FOCAD: variants seen among roughly 807,000 people sequenced by gnomAD.
FOCAD encodes the protein KIAA1797.
In FOCAD, 198 loss-of-function variants were observed where a neutral mutation model predicts 225.6. The observed-to-expected ratio is 0.88, with a 90% CI of 0.78 to 0.99. The LOEUF (loss-of-function observed/expected upper bound fraction) is 0.99. FOCAD is among the 50% of genes least tolerant of loss of function. The probability of loss-of-function intolerance (pLI) is 0.00; values close to 1 mark genes in which losing one functional copy is unlikely to be tolerated. For synonymous variants in FOCAD, 897 were observed against 755.0 expected (o/e 1.19, Z -3.08); for missense variants, 2,713 against 2,123.6 (o/e 1.28, Z -5.46).
At chr9:20,818,374 G>A (rs949109055) in intron 11 of FOCAD, among the ~76,000 whole-genome samples, 1 of 151,816 alleles carries the variant, frequency 6.6e-6, no homozygotes, top group Non-Finnish European at 1.5e-5. Context: ...GCATTTTTAC[G>A]TTGATGAAAT....
At chr9:20,818,406 G>A (rs72703942) in intron 11 of FOCAD, among the ~76,000 whole-genome samples, 2 of 151,494 alleles carry the variant, frequency 1.3e-5, no homozygotes, top group Non-Finnish European at 3.0e-5. Context: ...TTTGTGGCTT[G>A]TACTTTTGTT....
intron 28 of FOCAD, among the ~76,000 whole-genome samples, chr9:20,939,807 G>C (rs992370045): frequency 2.0e-5 from 3 of 149,792 alleles, no homozygotes; most frequent in Admixed American, 1.3e-4. Context: ...CAACGCGCAG[G>C]TTTGTTGCAT....
intron 11 of FOCAD, among the ~76,000 whole-genome samples, chr9:20,817,340 C>T (rs980831528): frequency 2.6e-5 from 4 of 152,046 alleles, no homozygotes; most frequent in Admixed American, 6.6e-5. Context: ...AAACCCCATG[C>T]CCATAAGACG....
At chr9:20,700,402 T>A (rs977453375) in intron 1 of FOCAD, among the ~76,000 whole-genome samples, 1 of 152,164 alleles carries the variant, frequency 6.6e-6, no homozygotes. Context: ...TTTGATTTTT[T>A]TTTTTAAAGA....
At chr9:20,722,810 T>C (rs924924519) in intron 4 of FOCAD, among the ~76,000 whole-genome samples, 1 of 152,326 alleles carries the variant, frequency 6.6e-6, no homozygotes, top group Middle Eastern at 3.4e-3. Context: ...TACCTTACCT[T>C]TTTTATTTGT....
At chr9:20,682,207 T>G (rs1376155484), upstream of FOCAD, among the ~76,000 whole-genome samples, 2 of 152,200 alleles carry the variant, frequency 1.3e-5, no homozygotes, top group African/African-American at 4.8e-5. Context: ...AACAATAAAT[T>G]TTTATTGTTT....
chr9:20,851,219 T>G (rs1827618506), intron 15 of FOCAD, among the ~76,000 whole-genome samples: 1 of 151,360 alleles, frequency 6.6e-6, no homozygotes, highest in South Asian at 2.1e-4. Flanking sequence ...TGGTTTTTTT[T>G]TTTTCGTGGG....
intron 15 of FOCAD, among the ~76,000 whole-genome samples, chr9:20,852,103 T>C (rs1472504976): frequency 1.3e-5 from 2 of 151,840 alleles, no homozygotes; most frequent in Non-Finnish European, 2.9e-5. Flanking sequence ...CTGTGCTAGA[T>C]GCTGCTTTTG....
intron 35 of FOCAD, among the ~76,000 whole-genome samples, chr9:20,966,035 G>C (rs1839223389): frequency 6.6e-6 from 1 of 151,824 alleles, no homozygotes; most frequent in Non-Finnish European, 1.5e-5. Context: ...CAATTCTCTT[G>C]GTGTATATAT....
chr9:20,701,636 A>G (rs1314204235), intron 1 of FOCAD, among the ~76,000 whole-genome samples: 1 of 152,242 alleles, frequency 6.6e-6, no homozygotes, highest in African/African-American at 2.4e-5. Flanking sequence ...CTTAAACTGA[A>G]CAGTCAATGA....
chr9:20,916,965 C>A, intron 24 of FOCAD, 28 bp downstream of exon 24: 1 of 1,567,680 alleles, frequency 6.4e-7, no homozygotes, highest in Admixed American at 1.9e-5. Context: ...TTTTATCAAA[C>A]ATTTTTTATA....
chr9:20,693,746 T>A (rs1161718734), intron 1 of FOCAD, among the ~76,000 whole-genome samples: 1 of 152,230 alleles, frequency 6.6e-6, no homozygotes, highest in Non-Finnish European at 1.5e-5. Context: ...AATCTTGCTC[T>A]GTTGCCCAGG....
chr9:20,792,270 G>C (rs1394790498), intron 11 of FOCAD, among the ~76,000 whole-genome samples: 1 of 152,178 alleles, frequency 6.6e-6, no homozygotes, highest in East Asian at 1.9e-4. Flanking sequence ...CCACAAAGAT[G>C]AGTAATTTTG....
At chr9:20,906,837 T>C (rs1372901646) in intron 21 of FOCAD, among the ~76,000 whole-genome samples, 1 of 152,124 alleles carries the variant, frequency 6.6e-6, no homozygotes, top group Non-Finnish European at 1.5e-5. Context: ...GCAAGAGGCC[T>C]TACAGAGTTT....
chr9:20,685,542 C>G (rs1822612754), intron 1 of FOCAD, among the ~76,000 whole-genome samples: 1 of 152,198 alleles, frequency 6.6e-6, no homozygotes, highest in African/African-American at 2.4e-5. Flanking sequence ...GCGTAGAAAG[C>G]ACTGTGACTC....
At chr9:20,935,540 A>T (rs1208547501) in intron 28 of FOCAD, among the ~76,000 whole-genome samples, 1 of 152,130 alleles carries the variant, frequency 6.6e-6, no homozygotes, top group Non-Finnish European at 1.5e-5. Flanking sequence ...TGCTGGCATT[A>T]CAGGCATACA....
intron 11 of FOCAD, among the ~76,000 whole-genome samples, chr9:20,792,512 G>C (rs1177728467): frequency 6.6e-6 from 1 of 152,180 alleles, no homozygotes; most frequent in Non-Finnish European, 1.5e-5. Flanking sequence ...GCAAAACTCA[G>C]TGCCTCTTTC....
At chr9:20,730,769 T>A (rs7040487) in intron 4 of FOCAD, among the ~76,000 whole-genome samples, 4,111 of 152,272 alleles carry the variant, frequency 0.027, 205 homozygotes, top group African/African-American at 0.092. Flanking sequence ...TACAGGGTGG[T>A]AGATTTAGCT....
At chr9:20,753,855 T>G (rs1035520903) in intron 5 of FOCAD, among the ~76,000 whole-genome samples, 1 of 152,006 alleles carries the variant, frequency 6.6e-6, no homozygotes, top group Non-Finnish European at 1.5e-5. Context: ...TTGTATAGGT[T>G]ATTGTCTGCT....
Sources: gnomAD v4.1 joint callset for allele counts (sites outside exome capture counted in the v4.1 genomes callset) on GRCh38, gnomAD v4.1.1 for gene constraint, MANE v1.5 for transcripts, NCBI Gene and HGNC (gene_info 2026-07-23, HGNC 2026-07-21) for gene names.